HSPG2: variants seen among roughly 807,000 people sequenced by gnomAD.
HSPG2 encodes heparan sulfate proteoglycan 2, also known as basement membrane-specific heparan sulfate proteoglycan core protein.
In HSPG2, 278 loss-of-function variants were observed where a neutral mutation model predicts 526.6. The observed-to-expected ratio is 0.53, with a 90% CI of 0.48 to 0.58. HSPG2 has a LOEUF of 0.58. Ranked by LOEUF, HSPG2 falls within the 20% of genes least tolerant of loss-of-function variation. The probability of loss-of-function intolerance (pLI) is 0.00; values close to 1 mark genes in which losing one functional copy is unlikely to be tolerated. For synonymous variants in HSPG2, 2,465 were observed against 2,555.4 expected (o/e 0.96, Z 1.07); for missense variants, 5,354 against 6,099.5 (o/e 0.88, Z 4.07).
Position 21,887,338 on chromosome 1 carries a change from G to A in HSPG2, c.959-4C>T, listed in dbSNP as rs1275082700. The A allele has an allele frequency of 6.2e-7, 1 of 1,613,992 alleles. No individual in the cohort carries two copies. ...GGCTCACAGGGTGGCGGGGGGCCTA[G>A]GAGACCGGGCAGGGGTCAGCAGCAT... On this transcript the variant is annotated splice_region_variant and splice_polypyrimidine_tract_variant and intron_variant, in intron 8 of 96. Coordinates refer to ENST00000374695, the MANE Select transcript of HSPG2 (RefSeq NM_005529.7). This position sits in a 1 kb window ranked among gnomAD's most constrained non-coding sequence, Gnocchi z 5.0.
chr1:21,886,812 G>T (rs1302819639), intron 9 of HSPG2, among the ~76,000 whole-genome samples: 1 of 152,100 alleles, frequency 6.6e-6, no homozygotes, highest in Non-Finnish European at 1.5e-5. Flanking sequence ...GTAAGGCTCT[G>T]ACTTGCATAC....
rs1643890669 is a variant in HSPG2 at position 21,916,475 on chromosome 1, G to A, written c.64-20165C>T. On this transcript the variant is annotated intron_variant, in intron 1 of 96. Transcript: ENST00000374695. ...AACCGAGATTGTGTCACTGCACTCC[G>A]GCCTGGGCAACAGAGCGAGACTCTG... Among the ~76,000 whole-genome samples, 4 of 151,354 alleles carry A rather than the reference G, an allele frequency of 2.6e-5. No individual in the cohort carries two copies. The South Asian group carries it at 6.3e-4, about 24-fold the overall frequency.
chr1:21,856,020 C>T (rs769817130), intron 44 of HSPG2, 108 bp from the exon 45 acceptor site: 5 of 1,456,394 alleles, frequency 3.4e-6, no homozygotes, highest in African/African-American at 1.4e-5. Flanking sequence ...CCTCCACGGC[C>T]ATCTGTGCAC....
At chr1:21,907,775 A>C (rs567177553) in intron 1 of HSPG2, among the ~76,000 whole-genome samples, 1 of 152,222 alleles carries the variant, frequency 6.6e-6, no homozygotes, top group South Asian at 2.1e-4. Context: ...CGGCCTCCTA[A>C]AGTGCTGGGA....
chr1:21,873,231 G>C, intron 30 of HSPG2, 140 bp from the exon 31 acceptor site: 1 of 1,163,874 alleles, frequency 8.6e-7, no homozygotes, highest in Non-Finnish European at 1.3e-6. Context: ...CTCGGAGGTG[G>C]TGGGGCCTTC....
Position 21,887,587 on chromosome 1 carries a change from C to T in HSPG2, c.791G>A (p.Arg264Gln), listed in dbSNP as rs570733273. Residue 264 changes from arginine (R) to glutamine (Q), a missense_variant, in exon 8 of 97, where the codon CGA (arginine) becomes CAA (glutamine). Coordinates refer to ENST00000374695, the MANE Select transcript of HSPG2 (RefSeq NM_005529.7). The surrounding 1 kb of genome is among the most constrained non-coding windows in gnomAD (Gnocchi z 5.0). ...LPPRPETTIM[R>Q]QPPVTHAPQP... is the part of the protein sequence containing the mutation. The stretch of plus-strand genomic sequence containing the variant: ...AGGAGCGTGGGTGACTGGTGGCTGT[C>T]GCATGATGGTTGTCTCTGGCCGGGG... 2.4e-5 allele frequency: 39 copies of T among 1,614,068 alleles called. No homozygotes were observed. Among genetic ancestry groups the T allele is most frequent in the South Asian group, 1.1e-4 (10 of 91,074 alleles).
chr1:21,848,904 C>A lies in HSPG2; in HGVS notation c.7574G>T (p.Ser2525Ile). Residue 2525 changes from serine to isoleucine, a missense_variant, in exon 58 of 97, where the codon AGT becomes ATT. Coordinates refer to ENST00000374695, the MANE Select transcript of HSPG2 (RefSeq NM_005529.7). This position sits in a 1 kb window ranked among gnomAD's most constrained non-coding sequence, Gnocchi z 4.9. ...CCCGAGACACTCACAGTGGGAGCCACTAAGGCGCTGCTGGATGGTGACAAG... is the reference window on the plus strand; with the variant it reads ...CCCGAGACACTCACAGTGGGAGCCAATAAGGCGCTGCTGGATGGTGACAAG... ...SVLVTIQQRL[S>I]GSHSQGVAYP... 6.2e-7 allele frequency: 1 copy of A among 1,613,942 alleles called. No homozygotes were observed. The highest frequency in any genetic ancestry group is 8.5e-7 in the Non-Finnish European group (1 of 1,180,004).
chr1:21,867,074 C>T (rs1205441580), intron 33 of HSPG2, among the ~76,000 whole-genome samples: 2 of 134,722 alleles, frequency 1.5e-5, no homozygotes, highest in South Asian at 2.3e-4. Flanking sequence ...TTTTTTTCAC[C>T]TTTTTTTTTT....
At position 21,828,098 on chromosome 1, in the gene HSPG2, T is replaced by A; in HGVS notation, c.12464A>T (p.His4155Leu). ...GCGGGTGCCCTGGCAGGTGCCCCCA[T>A]GCAGACAGGGTTCACGGAGCTGGCA... ...NPCQLREPCL[H>L]GGTCQGTRCL... Residue 4155 changes from histidine (H) to leucine (L), a missense_variant, in exon 90 of 97, where the codon CAT becomes CTT. Transcript: ENST00000374695. This position sits in a 1 kb window ranked among gnomAD's most constrained non-coding sequence, Gnocchi z 6.0. 1 of 1,609,274 alleles carries A rather than the reference T, an allele frequency of 6.2e-7. No individual in the cohort carries two copies. Among genetic ancestry groups the A allele is most frequent in the Non-Finnish European group, 8.5e-7 (1 of 1,178,208 alleles).
intron 74 of HSPG2, among the ~76,000 whole-genome samples, chr1:21,838,569 A>G (rs990906212): frequency 6.6e-6 from 1 of 152,190 alleles, no homozygotes; most frequent in African/African-American, 2.4e-5. Flanking sequence ...TTATGTACAC[A>G]GAATGGTTTC....
intron 42 of HSPG2, 22 bp from the exon 43 acceptor site, chr1:21,857,407 CT>C (rs1639426608): frequency 1.2e-6 from 2 of 1,609,054 alleles, no homozygotes; most frequent in South Asian, 2.2e-5. Flanking sequence ...GGAAGCCCCC[CT>C]GTGAGCCGGT....
In HSPG2 at chr1:21,864,772, C is replaced by T. The variant is rs770483446; in HGVS notation, c.4626+71G>A. The T allele has an allele frequency of 2.8e-4, 361 of 1,299,870 alleles. No homozygotes were observed. Among genetic ancestry groups the T allele is most frequent in the Non-Finnish European group, 3.7e-4 (338 of 919,690 alleles). The allele number at this position is 1,299,870 out of a possible 1,614,324, so 80.5% of individuals were successfully genotyped here. A position where few individuals can be genotyped will look rare whatever the true frequency, so the allele number is the denominator to read the frequency against. On this transcript the variant is annotated intron_variant, in intron 36 of 96. Coordinates refer to ENST00000374695, the MANE Select transcript of HSPG2 (RefSeq NM_005529.7). The surrounding 1 kb of genome is among the most constrained non-coding windows in gnomAD (Gnocchi z 4.8). ...GTTATGATGGTAATCAAGGCTGCGGCGACGCCGGCTGATTTGCTTGCTGAT... is the reference window on the plus strand; with the variant it reads ...GTTATGATGGTAATCAAGGCTGCGGTGACGCCGGCTGATTTGCTTGCTGAT...
At chr1:21,916,222 T>C (rs1643885726) in intron 1 of HSPG2, among the ~76,000 whole-genome samples, 1 of 149,170 alleles carries the variant, frequency 6.7e-6, no homozygotes, top group African/African-American at 2.5e-5. Context: ...AAAAATTTGG[T>C]TGGGTGCGGT....
intron 33 of HSPG2, among the ~76,000 whole-genome samples, chr1:21,867,100 C>T (rs1424497786): frequency 1.6e-5 from 2 of 125,124 alleles, no homozygotes; most frequent in Admixed American, 8.6e-5. Flanking sequence ...GAGATGGGGT[C>T]GCCCTATGTT....
chr1:21,834,320 C>T (rs1196354863), intron 77 of HSPG2, among the ~76,000 whole-genome samples: 1 of 152,148 alleles, frequency 6.6e-6, no homozygotes, highest in East Asian at 1.9e-4. Context: ...ATCTGTTGTC[C>T]TTGTTTTACT....
rs368652901 is a variant in HSPG2, at chr1:21,843,327, T to C, written c.8728A>G (p.Ile2910Val). 34 of 1,613,954 alleles carry C rather than the reference T, an allele frequency of 2.1e-5. No homozygotes were observed. Among genetic ancestry groups the C allele is most frequent in the East Asian group, 1.1e-4 (5 of 44,886 alleles). Residue 2910 changes from isoleucine (I) to valine (V), a missense_variant, in exon 66 of 97, where the codon ATT (isoleucine) becomes GTT (valine). Coordinates refer to ENST00000374695, the MANE Select transcript of HSPG2 (RefSeq NM_005529.7). Reference sequence around the variant, plus strand: ...ATGGGTCCTGGGCTGGAGGGCTCAATTGTGACCAGGACAGATGCCTCCAGG... The same window carrying C: ...ATGGGTCCTGGGCTGGAGGGCTCAACTGTGACCAGGACAGATGCCTCCAGG... Reference protein sequence around the residue: ...GTLEASVLVTIEPSSPGPIPA... With the variant: ...GTLEASVLVTVEPSSPGPIPA...
chr1:21,906,318 A>G (rs1452978832), intron 1 of HSPG2, among the ~76,000 whole-genome samples: 1 of 152,218 alleles, frequency 6.6e-6, no homozygotes, highest in Admixed American at 6.5e-5. Flanking sequence ...GCCTTGCGCA[A>G]CACAGCCAGA....
At position 21,828,466 on chromosome 1, in the gene HSPG2, G is replaced by A. The variant is rs1449403732; in HGVS notation, c.12238-40C>T. On this transcript the variant is annotated intron_variant, in intron 88 of 96. Coordinates refer to ENST00000374695, the MANE Select transcript of HSPG2 (RefSeq NM_005529.7). The surrounding 1 kb of genome is among the most constrained non-coding windows in gnomAD (Gnocchi z 6.0). Reference sequence around the variant, plus strand: ...ACACCGAGGGACTAAAGGGGCCTGGGAGGCAGAGACCCAGGTGTACCAGCA... The same window carrying A: ...ACACCGAGGGACTAAAGGGGCCTGGAAGGCAGAGACCCAGGTGTACCAGCA... The A allele has an allele frequency of 1.9e-6, 3 of 1,603,254 alleles. No individual in the cohort carries two copies. Among genetic ancestry groups the A allele is most frequent in the Non-Finnish European group, 2.6e-6 (3 of 1,174,722 alleles).
In HSPG2 at chr1:21,887,223, G is replaced by A. The variant is rs1641967033; in HGVS notation, c.1070C>T (p.Ala357Val). 4 of 1,613,846 alleles carry A rather than the reference G, an allele frequency of 2.5e-6. No homozygotes were observed. Among genetic ancestry groups the A allele is most frequent in the Non-Finnish European group, 3.4e-6 (4 of 1,179,972 alleles). Residue 357 changes from alanine (A) to valine (V), a missense_variant, in exon 9 of 97, where the codon GCC (alanine) becomes GTC (valine). By Grantham distance (64) the Ala-to-Val change is moderately conservative. Transcript: ENST00000374695. This position sits in a 1 kb window ranked among gnomAD's most constrained non-coding sequence, Gnocchi z 5.0. ...GACCCTCGGATACTCACGGCAGTTG[G>A]CTTCATCAGTTCGGTCCTCACAGTC... The part of the protein sequence containing the change: ...DFDCEDRTDE[A>V]NCPTKRPEEV...
Sources: gnomAD v4.1 joint callset for allele counts (sites outside exome capture counted in the v4.1 genomes callset) on GRCh38, gnomAD v4.1.1 for gene constraint, Gnocchi (gnomAD v3.1) non-coding constraint, MANE v1.5 for transcripts, NCBI Gene and HGNC (gene_info 2026-07-23, HGNC 2026-07-21) for gene names.